The following ADCY1 variants were observed in gnomAD, a reference collection of about 807,000 sequenced individuals.
The protein encoded by ADCY1 is adenylate cyclase type 1.
In ADCY1, 28 loss-of-function variants were observed where a neutral mutation model predicts 105.4. That is an observed-to-expected ratio of 0.27 (90% CI 0.20 to 0.36). The LOEUF is 0.36. Ranked by LOEUF, ADCY1 falls within the 10% of genes least tolerant of loss-of-function variation. ADCY1 has a pLI of 1.00. For synonymous variants in ADCY1, 655 were observed against 623.8 expected, an observed-to-expected ratio of 1.05 and a Z score of -0.75; for missense variants, 977 against 1,434.2, an observed-to-expected ratio of 0.68 and a Z score of 5.15.
At chr7:45,610,292 C>T in intron 2 of ADCY1, 87 bp from the exon 3 acceptor site, 1 of 1,223,850 alleles carries the variant, frequency 8.2e-7, no homozygotes, top group Non-Finnish European at 1.2e-6. Flanking sequence ...GCTCAGGGGC[C>T]CGGCGCCCTT....
intron 4 of ADCY1, among the ~76,000 whole-genome samples, chr7:45,641,946 A>AAAAAAAAAAAAAAAAAAAAAAAAG (rs1562702616): frequency 1.4e-5 from 2 of 143,290 alleles, no homozygotes; most frequent in East Asian, 2.1e-4. Flanking sequence ...AAAAAAAAAA[A>AAAAAAAAAAAAAAAAAAAAAAAAG]TGTCTTTTCA....
chr7:45,706,375 C>T (rs1279238006), intron 17 of ADCY1, among the ~76,000 whole-genome samples: 1 of 148,946 alleles, frequency 6.7e-6, no homozygotes, highest in African/African-American at 2.5e-5. Context: ...CTAGGGAGCC[C>T]AGAAATAGAC....
intron 1 of ADCY1, among the ~76,000 whole-genome samples, chr7:45,580,536 A>G (rs1472679021): frequency 2.0e-5 from 3 of 152,138 alleles, no homozygotes; most frequent in Non-Finnish European, 2.9e-5. Context: ...CTGGTCAATA[A>G]CTCACACTGT....
chr7:45,610,756 G>C (rs796983162), intron 3 of ADCY1, among the ~76,000 whole-genome samples: 1 of 108,344 alleles, frequency 9.2e-6, no homozygotes, highest in African/African-American at 3.4e-5. Flanking sequence ...GATGATGGAG[G>C]TGTAGAGGTG....
intron 11 of ADCY1, 81 bp from the exon 12 acceptor site, chr7:45,684,898 C>A: frequency 1.6e-6 from 2 of 1,272,614 alleles, no homozygotes; most frequent in Non-Finnish European, 1.1e-6. Context: ...TCTGCACATT[C>A]CACTATAGGA....
intron 1 of ADCY1, among the ~76,000 whole-genome samples, chr7:45,579,499 C>T (rs1792458656): frequency 1.3e-5 from 2 of 152,200 alleles, no homozygotes; most frequent in Non-Finnish European, 2.9e-5. Context: ...CTCCACTTCC[C>T]CTCCCACTGG....
chr7:45,629,875 C>A (rs962039620), intron 4 of ADCY1, among the ~76,000 whole-genome samples: 1 of 152,236 alleles, frequency 6.6e-6, no homozygotes, highest in African/African-American at 2.4e-5. Flanking sequence ...TGTAGCATTT[C>A]ACATTCCCAT....
At position 45,715,520 on chromosome 7, in the gene ADCY1, C is replaced by T. The variant is rs1396956634; in HGVS notation, c.*1525C>T. ...CAGAGAGAAGCCCAGACTTCCTTCC[C>T]TGGAGTGTAGACCTGTGTGTGGGAC... On this transcript the variant is annotated 3_prime_UTR_variant, in exon 20 of 20. Transcript: ENST00000297323. 1 of 152,416 alleles carries T rather than the reference C, an allele frequency of 6.6e-6. No homozygotes were observed. Among genetic ancestry groups the T allele is most frequent in the African/African-American group, 2.4e-5 (1 of 41,484 alleles). The allele number at this position is 152,416 out of a possible 1,614,324, so 9.4% of individuals were successfully genotyped here.
chr7:45,646,112 G>A (rs1794658175), intron 4 of ADCY1, among the ~76,000 whole-genome samples: 1 of 151,904 alleles, frequency 6.6e-6, no homozygotes, highest in South Asian at 2.1e-4. Flanking sequence ...TTTGGGGGAT[G>A]TTTGGAAGCA....
intron 6 of ADCY1, among the ~76,000 whole-genome samples, chr7:45,658,430 A>T (rs1794997018): frequency 6.6e-6 from 1 of 151,992 alleles, no homozygotes; most frequent in African/African-American, 2.4e-5. Context: ...CTTGAGGAAG[A>T]TTTCCATGCA....
rs188243468 is a variant in ADCY1 at position 45,669,512 on chromosome 7, A to T, written c.1605+7298A>T. On this transcript the variant is annotated intron_variant, in intron 8 of 19. Coordinates refer to ENST00000297323, the MANE Select transcript of ADCY1 (RefSeq NM_021116.4). ...CTGAGAGACAGTTTGTTATAATTTC[A>T]GTTCTTTTACATTTGCTGAGGAGTG... 4.8e-4 allele frequency among the ~76,000 whole-genome samples: 73 copies of T among 152,156 alleles called. No individual in the cohort carries two copies. The East Asian group carries it at 7.9e-3, about 16-fold the overall frequency.
chr7:45,612,642 C>A (rs368008174), intron 3 of ADCY1, among the ~76,000 whole-genome samples: 1 of 152,170 alleles, frequency 6.6e-6, no homozygotes, highest in East Asian at 1.9e-4. Context: ...TGACCCTTTC[C>A]CCTGCTCAGC....
intron 5 of ADCY1, among the ~76,000 whole-genome samples, chr7:45,649,247 G>A (rs894940155): frequency 1.3e-5 from 2 of 152,180 alleles, no homozygotes; most frequent in African/African-American, 4.8e-5. Context: ...GCTTGGGATC[G>A]GGGCAGGTGA....
chr7:45,662,217 AGGAGCAGCCAG>A lies in ADCY1; in HGVS notation c.1605+9_1605+19del. The A allele has an allele frequency of 6.2e-7, 1 of 1,611,272 alleles. No individual in the cohort carries two copies. The highest frequency in any genetic ancestry group is 8.5e-7 in the Non-Finnish European group (1 of 1,179,122). ...TGACCTGCGAGGACGATGACAAGGT[AGGAGCAGCCAG>A]GGAGCCTGCCATGCTGGAGCTGCCA... On this transcript the variant is annotated splice_donor_5th_base_variant and intron_variant, in intron 8 of 19. Coordinates refer to ENST00000297323, the MANE Select transcript of ADCY1 (RefSeq NM_021116.4).
intron 5 of ADCY1, among the ~76,000 whole-genome samples, chr7:45,654,124 A>G (rs1007280555): frequency 3.3e-5 from 5 of 152,218 alleles, no homozygotes; most frequent in African/African-American, 1.2e-4. Context: ...TTGATTCATC[A>G]GCTCCCAGAA....
intron 5 of ADCY1, among the ~76,000 whole-genome samples, chr7:45,652,151 C>A (rs1052891384): frequency 1.3e-5 from 2 of 152,288 alleles, no homozygotes; most frequent in African/African-American, 4.8e-5. Flanking sequence ...ACAACCAGAT[C>A]TCGTGAGAAT....
rs1412277828 is a variant in ADCY1, at chr7:45,679,754, G to C, written c.1944G>C (p.Leu648=). ...LLLLVFCICF[L]VACVLYLHIT... Reference sequence around the variant, plus strand: ...TGCTAGTATTCTGCATCTGCTTCCTGGTGGCCTGTGTCCTGTACCTGCACA... The same window carrying C: ...TGCTAGTATTCTGCATCTGCTTCCTCGTGGCCTGTGTCCTGTACCTGCACA... The change falls in exon 11 of 20, where the codon CTG becomes CTC. Residue 648 remains leucine (L), a synonymous_variant. Coordinates refer to ENST00000297323, the MANE Select transcript of ADCY1 (RefSeq NM_021116.4). The C allele has an allele frequency of 2.5e-6, 4 of 1,614,190 alleles. No individual in the cohort carries two copies. The highest frequency in any genetic ancestry group is 8.5e-7 in the Non-Finnish European group (1 of 1,180,024).
At position 45,654,777 on chromosome 7, in the gene ADCY1, T is replaced by C. The variant is rs550287857; in HGVS notation, c.1149-2950T>C. ...CACACACTTCTACAACCACCACACG[T>C]GGTTTTCCCTAAAATTTTAGGGGAC... On this transcript the variant is annotated intron_variant, in intron 5 of 19. Transcript: ENST00000297323. Among the ~76,000 whole-genome samples, 4 of 152,334 alleles carry C rather than the reference T, an allele frequency of 2.6e-5. No individual in the cohort carries two copies. The South Asian group carries it at 8.3e-4, about 32-fold the overall frequency.
intron 5 of ADCY1, among the ~76,000 whole-genome samples, chr7:45,653,418 A>G (rs1002193722): frequency 1.3e-5 from 2 of 152,178 alleles, no homozygotes; most frequent in Admixed American, 6.5e-5. Flanking sequence ...TGAATTTCCA[A>G]TGGGATTTCT....
Sources: gnomAD v4.1 joint callset for allele counts (sites outside exome capture counted in the v4.1 genomes callset) on GRCh38, gnomAD v4.1.1 for gene constraint, MANE v1.5 for transcripts, NCBI Gene and HGNC (gene_info 2026-07-23, HGNC 2026-07-21) for gene names.